Variants in TOGARAM1 observed in about 807,000 individuals in gnomAD.
TOGARAM1 encodes the protein TOG array regulator of axonemal microtubules 1.
A neutral mutation model predicts 166.6 loss-of-function variants in TOGARAM1; 100 were observed. That is an observed-to-expected ratio of 0.60 (90% CI 0.51 to 0.71). The LOEUF (loss-of-function observed/expected upper bound fraction) is 0.71, where lower values mean the gene tolerates loss of function less well. Ranked by LOEUF, TOGARAM1 falls within the 30% of genes least tolerant of loss-of-function variation. The probability of loss-of-function intolerance (pLI) is 0.00; values close to 1 mark genes in which losing one functional copy is unlikely to be tolerated. For synonymous variants in TOGARAM1, 758 were observed against 763.8 expected (o/e 0.99, Z 0.13); for missense variants, 2,029 against 2,102.7 (o/e 0.96, Z 0.69).
intron 7 of TOGARAM1, among the ~76,000 whole-genome samples, chr14:45,020,119 C>A (rs1880409565): frequency 6.6e-6 from 1 of 152,130 alleles, no homozygotes; most frequent in Non-Finnish European, 1.5e-5. Context: ...AGAAGAGTAA[C>A]AATATTATAG....
At chr14:45,068,010 A>T (rs1227610783) in intron 17 of TOGARAM1, among the ~76,000 whole-genome samples, 1 of 152,212 alleles carries the variant, frequency 6.6e-6, no homozygotes, top group African/African-American at 2.4e-5. Context: ...TTAAATCTCC[A>T]CAGTAAAACT....
chr14:45,011,811 G>GTA (rs1555346468), intron 6 of TOGARAM1, 164 bp from the exon 7 acceptor site: 6 of 513,148 alleles, frequency 1.2e-5, no homozygotes, highest in Non-Finnish European at 1.1e-5. Context: ...GTGTGTGTGT[G>GTA]TATACACACA....
chr14:45,004,199 G>A lies in TOGARAM1; in HGVS notation c.2477G>A (p.Ser826Asn), dbSNP rs1178904438. 2.5e-6 allele frequency: 4 copies of A among 1,613,990 alleles called. No homozygotes were observed. Among genetic ancestry groups the A allele is most frequent in the East Asian group, 2.2e-5 (1 of 44,858 alleles). ...TATCCTGTCTCATCACCTCGAACTAGTCCAAAGCATACATCTCCTCTTATT... is the reference window on the plus strand; with the variant it reads ...TATCCTGTCTCATCACCTCGAACTAATCCAAAGCATACATCTCCTCTTATT... The part of the protein sequence containing the change: ...PSYPVSSPRT[S>N]PKHTSPLIIS... Residue 826 changes from serine (S) to asparagine (N), a missense_variant, in exon 4 of 20, where the codon AGT becomes AAT. By Grantham distance (46) the Ser-to-Asn change is conservative. Around this residue, in one of 2 missense-constraint regions of TOGARAM1, gnomAD observed 1,453 missense variants for 1,432.2 expected, o/e 1.01. Transcript: ENST00000361462.
intron 1 of TOGARAM1, among the ~76,000 whole-genome samples, chr14:44,969,734 A>G (rs1000162170): frequency 6.6e-6 from 1 of 152,170 alleles, no homozygotes; most frequent in Non-Finnish European, 1.5e-5. Context: ...GAAGGGTGTC[A>G]GGTCTGTTTC....
At chr14:44,975,954 G>T (rs973249773) in intron 1 of TOGARAM1, among the ~76,000 whole-genome samples, 2 of 152,080 alleles carry the variant, frequency 1.3e-5, no homozygotes, top group African/African-American at 4.8e-5. Context: ...AAGTCAACTG[G>T]TGACTACATT....
intron 7 of TOGARAM1, among the ~76,000 whole-genome samples, chr14:45,018,953 T>G (rs1306172420): frequency 6.6e-6 from 1 of 152,248 alleles, no homozygotes; most frequent in African/African-American, 2.4e-5. Context: ...CATATTTACA[T>G]CTTTTAGCCA....
chr14:45,000,446 C>T (rs1015680969), intron 3 of TOGARAM1, among the ~76,000 whole-genome samples: 2 of 152,148 alleles, frequency 1.3e-5, no homozygotes, highest in African/African-American at 4.8e-5. Flanking sequence ...GCAGTGAGAA[C>T]ATGCAATATT....
chr14:45,065,734 AT>A (rs1271248001), intron 16 of TOGARAM1, among the ~76,000 whole-genome samples: 6 of 152,208 alleles, frequency 3.9e-5, no homozygotes, highest in Admixed American at 3.9e-4. Flanking sequence ...GAGATTGCCC[AT>A]TGGTTGACAT....
At chr14:45,029,907 C>T (rs1214196350) in intron 10 of TOGARAM1, among the ~76,000 whole-genome samples, 1 of 152,158 alleles carries the variant, frequency 6.6e-6, no homozygotes, top group East Asian at 1.9e-4. Flanking sequence ...CTGCAACCTC[C>T]ACCTCTTCGG....
rs12887568 is a variant in TOGARAM1, at chr14:45,053,129, C to T, written c.4440+567C>T. The stretch of plus-strand genomic sequence containing the variant: ...TCTCGGCTCACTACAACCTCCACCT[C>T]TTGGGTTCAAGCGATTCTCCTGCCT... On this transcript the variant is annotated intron_variant, in intron 15 of 19. Coordinates refer to ENST00000361462, the MANE Select transcript of TOGARAM1 (RefSeq NM_001308120.2). Among the ~76,000 whole-genome samples the T allele has an allele frequency of 6.8e-5, 10 of 146,496 alleles. No individual in the cohort carries two copies. In the East Asian group the frequency reaches 1.8e-3, roughly 27 times the overall value.
At chr14:45,047,005 T>C (rs1233842524) in intron 14 of TOGARAM1, among the ~76,000 whole-genome samples, 1 of 152,172 alleles carries the variant, frequency 6.6e-6, no homozygotes, top group African/African-American at 2.4e-5. Context: ...CAGAAGAACT[T>C]CATTATGGGC....
At chr14:44,990,099 C>T (rs1445694421) in intron 1 of TOGARAM1, among the ~76,000 whole-genome samples, 1 of 152,166 alleles carries the variant, frequency 6.6e-6, no homozygotes, top group Non-Finnish European at 1.5e-5. Flanking sequence ...ATGAGGATTA[C>T]AATTCAAGAC....
chr14:45,028,603 C>G (rs997230679), intron 10 of TOGARAM1, among the ~76,000 whole-genome samples: 1 of 151,972 alleles, frequency 6.6e-6, no homozygotes, highest in African/African-American at 2.4e-5. Flanking sequence ...GAGTGGTATC[C>G]CATTTTATAG....
chr14:44,973,357 G>T (rs1885997876), intron 1 of TOGARAM1, among the ~76,000 whole-genome samples: 1 of 151,624 alleles, frequency 6.6e-6, no homozygotes, highest in African/African-American at 2.4e-5. Context: ...GGTAACCCAA[G>T]TACCTTATAA....
At position 45,028,142 on chromosome 14, in the gene TOGARAM1, T is replaced by G. The variant is rs1880962514; in HGVS notation, c.3505-34T>G. 4 of 1,537,382 alleles carry G rather than the reference T, an allele frequency of 2.6e-6. No homozygotes were observed. In the East Asian group the frequency reaches 9.1e-5, roughly 35 times the overall value. Reference sequence around the variant, plus strand: ...AAGATATTTTAAATATCAAAGTCCCTGAATATTTTCAGACTTTCAACTTTT... The same window carrying G: ...AAGATATTTTAAATATCAAAGTCCCGGAATATTTTCAGACTTTCAACTTTT... On this transcript the variant is annotated intron_variant, in intron 9 of 19. Coordinates refer to ENST00000361462, the MANE Select transcript of TOGARAM1 (RefSeq NM_001308120.2).
chr14:44,993,603 T>A (rs10140534), intron 1 of TOGARAM1, among the ~76,000 whole-genome samples: 7,330 of 152,288 alleles, frequency 0.048, 581 homozygotes, highest in African/African-American at 0.17. Context: ...TCTTCGTTCA[T>A]TGTTTCGTCC....
rs1199182276 is a variant in TOGARAM1 at position 44,962,448 on chromosome 14, T to A, written c.27T>A (p.Leu9=). 1 of 1,575,846 alleles carries A rather than the reference T, an allele frequency of 6.3e-7. No individual in the cohort carries two copies. The highest frequency in any genetic ancestry group is 1.4e-5 in the African/African-American group (1 of 73,780). The change falls in exon 1 of 20, where the codon CTT becomes CTA. Residue 9 remains leucine (L), a synonymous_variant. Transcript: ENST00000361462. ...TGGCGGCTGCCCCCTCCGCGCTGCT[T>A]CTGCTGCCGCCCTTTCCAGTCCTCT... MAAAPSAL[L]LLPPFPVLST...
intron 1 of TOGARAM1, among the ~76,000 whole-genome samples, chr14:44,987,510 C>G (rs1566611303): frequency 6.6e-6 from 1 of 152,168 alleles, no homozygotes; most frequent in African/African-American, 2.4e-5. Flanking sequence ...AAAAAATGTT[C>G]TCATCACTGG....
intron 5 of TOGARAM1, chr14:45,007,559 T>G (rs1321234082): frequency 1.3e-5 from 2 of 152,056 alleles, no homozygotes; most frequent in African/African-American, 2.4e-5. Context: ...TACCATTGCT[T>G]TTAGATATTC....
Sources: allele counts gnomAD v4.1 joint callset (sites outside exome capture counted in the v4.1 genomes callset), GRCh38; gene constraint gnomAD v4.1.1; regional missense constraint gnomAD v4.1.1; transcripts MANE v1.5; gene names NCBI Gene and HGNC (gene_info 2026-07-23, HGNC 2026-07-21).